The following PCDH15 variants were observed in gnomAD, a reference collection of about 807,000 sequenced individuals.
PCDH15 encodes the protein protocadherin related 15.
Under a neutral mutation model 178.5 loss-of-function variants are expected in PCDH15, and 129 were observed. The observed-to-expected ratio is 0.72, with a 90% CI of 0.63 to 0.84. The LOEUF is 0.84. PCDH15 is among the 40% of genes least tolerant of loss of function. The probability of loss-of-function intolerance (pLI) is 0.00; values close to 1 mark genes in which losing one functional copy is unlikely to be tolerated. For synonymous variants in PCDH15, 800 were observed against 732.0 expected, an observed-to-expected ratio of 1.09 and a Z score of -1.50; for missense variants, 2,230 against 2,099.9, an observed-to-expected ratio of 1.06 and a Z score of -1.21.
At chr10:54,720,867 A>G (rs1941486733) in intron 1 of PCDH15, among the ~76,000 whole-genome samples, 1 of 152,066 alleles carries the variant, frequency 6.6e-6, no homozygotes, top group Non-Finnish European at 1.5e-5. Context: ...AACTTAACTT[A>G]AACTGGACTA....
intron 11 of PCDH15, among the ~76,000 whole-genome samples, chr10:54,190,028 C>T (rs558036303): frequency 6.6e-6 from 1 of 150,452 alleles, no homozygotes; most frequent in East Asian, 2.0e-4. Flanking sequence ...CTTTTCCTTT[C>T]TTTTCAGTAT....
At chr10:55,204,499 CA>C (rs1244405530) in intron 1 of PCDH15, among the ~76,000 whole-genome samples, 2 of 151,988 alleles carry the variant, frequency 1.3e-5, no homozygotes, top group Non-Finnish European at 2.9e-5. Flanking sequence ...ATCTTCATTT[CA>C]ATTATCCTTA....
chr10:55,124,508 A>G (rs1367431107), intron 2 of PCDH15, among the ~76,000 whole-genome samples: 1 of 152,186 alleles, frequency 6.6e-6, no homozygotes, highest in East Asian at 1.9e-4. Flanking sequence ...TGACAGCTAT[A>G]AATGGAAATT....
intron 3 of PCDH15, among the ~76,000 whole-genome samples, chr10:54,808,855 C>A (rs773765419): frequency 8.6e-5 from 13 of 151,910 alleles, no homozygotes; most frequent in Non-Finnish European, 1.6e-4. Flanking sequence ...AGCAGGGATA[C>A]CTTCCAAGAC....
At chr10:53,828,623 T>C in intron 30 of PCDH15, 50 bp from the exon 31 acceptor site, 1 of 1,407,912 alleles carries the variant, frequency 7.1e-7, no homozygotes, top group Non-Finnish European at 1.0e-6. Context: ...ATTAGAACTA[T>C]TGCATTAATA....
intron 2 of PCDH15, among the ~76,000 whole-genome samples, chr10:55,021,254 C>A (rs1156473236): frequency 6.6e-6 from 1 of 152,164 alleles, no homozygotes; most frequent in Non-Finnish European, 1.5e-5. Flanking sequence ...CCATCTCTTT[C>A]TGGTATTATT....
At chr10:54,176,452 T>C (rs1303776520) in intron 13 of PCDH15, among the ~76,000 whole-genome samples, 1 of 152,140 alleles carries the variant, frequency 6.6e-6, no homozygotes, top group Non-Finnish European at 1.5e-5. Context: ...ACAACTTGGA[T>C]CAAACCTTCA....
At chr10:54,674,350 A>C (rs932202581) in intron 1 of PCDH15, among the ~76,000 whole-genome samples, 1 of 152,162 alleles carries the variant, frequency 6.6e-6, no homozygotes, top group African/African-American at 2.4e-5. Flanking sequence ...CTTTAAAACC[A>C]AATGGTAGAC....
chr10:53,850,739 T>C (rs1316147997), intron 28 of PCDH15, among the ~76,000 whole-genome samples: 1 of 152,180 alleles, frequency 6.6e-6, no homozygotes, highest in Non-Finnish European at 1.5e-5. Context: ...GTGTGCTGCA[T>C]TATCTGATAA....
chr10:54,377,956 CT>C (rs1365873640), intron 4 of PCDH15, among the ~76,000 whole-genome samples: 3 of 151,882 alleles, frequency 2.0e-5, no homozygotes, highest in Non-Finnish European at 4.4e-5. Context: ...TCTCGCTCTG[CT>C]GTCCTGGCTG....
intron 9 of PCDH15, among the ~76,000 whole-genome samples, chr10:54,219,592 C>CAAAAAAA (rs763785938): frequency 1.2e-4 from 4 of 32,376 alleles, no homozygotes; most frequent in Admixed American, 3.5e-4. Flanking sequence ...GACTCCATCT[C>CAAAAAAA]AAAAAAAAAA....
chr10:53,969,334 G>T (rs1221514549), intron 21 of PCDH15, among the ~76,000 whole-genome samples: 1 of 152,104 alleles, frequency 6.6e-6, no homozygotes, highest in Admixed American at 6.5e-5. Context: ...AATGAACAAA[G>T]CCTCCAAGAA....
intron 1 of PCDH15, among the ~76,000 whole-genome samples, chr10:54,699,435 C>T (rs1015995605): frequency 6.6e-6 from 1 of 151,948 alleles, no homozygotes; most frequent in South Asian, 2.1e-4. Flanking sequence ...AGACCCATAA[C>T]CAGAAGTAAC....
rs936042376 is a variant in PCDH15, at chr10:53,820,980, TC to T, written c.4368-751del. On this transcript the variant is annotated intron_variant, in intron 32 of 37. Transcript: ENST00000644397. ...ATTTATTAAACTGAAGATCATACTT[TC>T]TTTAAAAAGGAATCTTATGAAAAAA... 1.3e-4 allele frequency: 64 copies of T among 505,350 alleles called. 1 individual carries two copies. The highest frequency in any genetic ancestry group is 1.1e-3 in the African/African-American group (54 of 47,972). 31.3% of individuals were successfully genotyped at this position (505,350 alleles called of 1,614,324 possible).
chr10:54,110,982 G>C (rs1394030261), intron 15 of PCDH15, among the ~76,000 whole-genome samples: 2 of 151,988 alleles, frequency 1.3e-5, no homozygotes, highest in Admixed American at 6.6e-5. Flanking sequence ...TGGTAGTTAA[G>C]TATAGAAACA....
At chr10:55,166,342 A>G (rs1839197308) in intron 2 of PCDH15, among the ~76,000 whole-genome samples, 1 of 152,190 alleles carries the variant, frequency 6.6e-6, no homozygotes, top group Non-Finnish European at 1.5e-5. Context: ...GAGAAACAAC[A>G]GGTATTTCAC....
chr10:55,461,698 C>T (rs1018860809), intron 2 of PCDH15, among the ~76,000 whole-genome samples: 5 of 152,018 alleles, frequency 3.3e-5, no homozygotes, highest in African/African-American at 1.2e-4. Flanking sequence ...CTTTATTGGA[C>T]ACCATGGGAG....
intron 5 of PCDH15, among the ~76,000 whole-genome samples, chr10:54,349,523 T>C (rs1228143942): frequency 6.6e-6 from 1 of 152,192 alleles, no homozygotes; most frequent in South Asian, 2.1e-4. Flanking sequence ...TTTGAAATGA[T>C]GAAAAGGCCA....
chr10:54,023,262 G>C (rs935525102), intron 18 of PCDH15, 65 bp from the exon 19 acceptor site: 1 of 1,451,124 alleles, frequency 6.9e-7, no homozygotes, highest in Admixed American at 1.8e-5. Context: ...GTAAATGAAG[G>C]TAACAGTTAA....
Sources: allele counts gnomAD v4.1 joint callset (sites outside exome capture counted in the v4.1 genomes callset), GRCh38; gene constraint gnomAD v4.1.1; transcripts MANE v1.5; gene names NCBI Gene and HGNC (gene_info 2026-07-23, HGNC 2026-07-21).